Variants in AIG1 observed in about 807,000 individuals in gnomAD.
AIG1 encodes androgen-induced gene 1 protein.
AIG1 carries 23 observed loss-of-function variants against 31.4 expected under a neutral mutation model. The ratio of observed to expected loss-of-function variants is 0.73; its 90% CI spans 0.53 to 1.04. The LOEUF (loss-of-function observed/expected upper bound fraction) is 1.04, where lower values mean the gene tolerates loss of function less well. AIG1 is among the 50% of genes least tolerant of loss of function. The probability of loss-of-function intolerance (pLI) is 0.00; values close to 1 mark genes in which losing one functional copy is unlikely to be tolerated. For missense variants in AIG1, 274 were observed against 295.0 expected, an observed-to-expected ratio of 0.93 and a Z score of 0.52; for synonymous variants, 100 against 110.5, an observed-to-expected ratio of 0.90 and a Z score of 0.60.
rs113190168 is a variant in AIG1, at chr6:143,325,009, A to T, written c.516-8273A>T. 9.8e-5 allele frequency among the ~76,000 whole-genome samples: 15 copies of T among 152,328 alleles called. No homozygotes were observed. The highest frequency in any genetic ancestry group is 3.1e-4 in the African/African-American group (13 of 41,568). On this transcript the variant is annotated intron_variant, in intron 4 of 5. Transcript: ENST00000357847. The surrounding 1 kb of genome is among the most constrained non-coding windows in gnomAD (Gnocchi z 4.3). ...TTTTTCAACTGACTATATATCATTT[A>T]TACCCAGTCAACATCCAAAGTAGAT...
chr6:143,283,788 C>A (rs919822870), intron 3 of AIG1, among the ~76,000 whole-genome samples: 1 of 152,122 alleles, frequency 6.6e-6, no homozygotes, highest in African/African-American at 2.4e-5. Flanking sequence ...GGACGTACAC[C>A]AAAATGTTAA....
At chr6:143,231,594 C>T (rs951915891) in intron 3 of AIG1, among the ~76,000 whole-genome samples, 3 of 152,216 alleles carry the variant, frequency 2.0e-5, no homozygotes, top group Middle Eastern at 3.4e-3. Context: ...GCAATGCAAA[C>T]CAGATTAAAC....
intron 1 of AIG1, among the ~76,000 whole-genome samples, chr6:143,112,638 T>C (rs554073266): frequency 1.3e-5 from 2 of 152,210 alleles, no homozygotes; most frequent in African/African-American, 2.4e-5. Context: ...ACATGGAAGA[T>C]AGAGCACCTG....
rs148044768 is a variant in AIG1 at position 143,150,925 on chromosome 6, A to G, written c.297+13935A>G. Among the ~76,000 whole-genome samples the G allele has an allele frequency of 3.7e-3, 565 of 152,320 alleles. 4 individuals are homozygous for G. The Middle Eastern group carries it at 0.071, about 19-fold the overall frequency. ...GTGTTTTTCAACAACAAAAATATCTATAATTGGTCCACAATTCTAGATGGG... is the reference window on the plus strand; with the variant it reads ...GTGTTTTTCAACAACAAAAATATCTGTAATTGGTCCACAATTCTAGATGGG... On this transcript the variant is annotated intron_variant, in intron 2 of 5. Coordinates refer to ENST00000357847, the MANE Select transcript of AIG1 (RefSeq NM_016108.4).
At chr6:143,182,531 A>G (rs73781105) in intron 3 of AIG1, among the ~76,000 whole-genome samples, 132 of 152,180 alleles carry the variant, frequency 8.7e-4, no homozygotes, top group African/African-American at 3.0e-3. Context: ...CCTTTTTAGT[A>G]ATACCTACCC....
rs950473487 is a variant in AIG1 at position 143,081,812 on chromosome 6, A to G, written c.141+20746A>G. 3.3e-5 allele frequency among the ~76,000 whole-genome samples: 5 copies of G among 152,000 alleles called. No homozygotes were observed. The East Asian group carries it at 5.8e-4, about 18-fold the overall frequency. On this transcript the variant is annotated intron_variant, in intron 1 of 5. Transcript: ENST00000357847. Reference sequence around the variant, plus strand: ...ATGTCCTCGTGAGTTTCCCCATTCCATTTCTTCTGCTGAGTACTGGAGCTT... The same window carrying G: ...ATGTCCTCGTGAGTTTCCCCATTCCGTTTCTTCTGCTGAGTACTGGAGCTT...
intron 1 of AIG1, among the ~76,000 whole-genome samples, chr6:143,074,212 C>G (rs553370866): frequency 6.6e-6 from 1 of 152,142 alleles, no homozygotes; most frequent in African/African-American, 2.4e-5. Flanking sequence ...TCATTGTTTC[C>G]TTTGCTGTGC....
intron 1 of AIG1, among the ~76,000 whole-genome samples, chr6:143,129,027 C>T (rs1298610146): frequency 4.6e-5 from 7 of 152,208 alleles, no homozygotes; most frequent in African/African-American, 1.2e-4. Context: ...CGCGGTGGCT[C>T]ATGCCTGTAA....
At chr6:143,187,982 G>T in intron 3 of AIG1, 1 of 1,168,326 alleles carries the variant, frequency 8.6e-7, no homozygotes, top group Non-Finnish European at 1.1e-6. Context: ...TAACAGGTTG[G>T]AAAAATTAGG....
chr6:143,169,647 A>G (rs950085518), intron 3 of AIG1, among the ~76,000 whole-genome samples: 1 of 151,734 alleles, frequency 6.6e-6, no homozygotes, highest in Non-Finnish European at 1.5e-5. Flanking sequence ...TCTACTCACT[A>G]CTTCTATGAG....
intron 3 of AIG1, among the ~76,000 whole-genome samples, chr6:143,265,864 A>C (rs1338861308): frequency 6.6e-6 from 1 of 152,138 alleles, no homozygotes; most frequent in Non-Finnish European, 1.5e-5. Flanking sequence ...AGCACCTACT[A>C]ACTGAAAACG....
At chr6:143,188,378 C>G in intron 3 of AIG1, 1 of 985,480 alleles carries the variant, frequency 1.0e-6, no homozygotes, top group Non-Finnish European at 1.2e-6. Flanking sequence ...CCTGATTGCA[C>G]TTCTCATGCT....
chr6:143,114,316 A>G (rs1361631870), intron 1 of AIG1, among the ~76,000 whole-genome samples: 2 of 152,200 alleles, frequency 1.3e-5, no homozygotes, highest in Non-Finnish European at 2.9e-5. Context: ...GACTAGTTTA[A>G]AACAATGCTA....
At chr6:143,220,308 T>C (rs952332261) in intron 3 of AIG1, among the ~76,000 whole-genome samples, 1 of 152,198 alleles carries the variant, frequency 6.6e-6, no homozygotes, top group Non-Finnish European at 1.5e-5. Context: ...CAGTTTGTTA[T>C]ATTTATGTTT....
intron 3 of AIG1, among the ~76,000 whole-genome samples, chr6:143,265,798 TTC>T: frequency 6.6e-6 from 1 of 152,202 alleles, no homozygotes; most frequent in South Asian, 2.1e-4. Flanking sequence ...GCCTTCGGTA[TTC>T]ACAGTGTTTC....
intron 4 of AIG1, among the ~76,000 whole-genome samples, chr6:143,317,518 G>T (rs892057238): frequency 3.3e-5 from 5 of 152,092 alleles, no homozygotes; most frequent in African/African-American, 1.2e-4. Context: ...ATGTAATAAA[G>T]CCATCTACGA....
chr6:143,294,753 C>A lies in AIG1; in HGVS notation c.515+10528C>A, dbSNP rs118171627. Reference sequence around the variant, plus strand: ...GCAATTTGATACTAAAACAAACCCCCCCTCTTCCTGATACACTCTGTTCCT... The same window carrying A: ...GCAATTTGATACTAAAACAAACCCCACCTCTTCCTGATACACTCTGTTCCT... On this transcript the variant is annotated intron_variant, in intron 4 of 5. Transcript: ENST00000357847. Among the ~76,000 whole-genome samples the A allele has an allele frequency of 1.9e-3, 295 of 152,208 alleles. 3 individuals carry two copies. The highest frequency in any genetic ancestry group is 4.4e-3 in the South Asian group (21 of 4,814).
At chr6:143,205,562 C>T (rs914017433) in intron 3 of AIG1, among the ~76,000 whole-genome samples, 5 of 152,156 alleles carry the variant, frequency 3.3e-5, no homozygotes, top group Admixed American at 2.6e-4. Context: ...TACCTTTGCT[C>T]AGTCAGTGTT....
intron 3 of AIG1, among the ~76,000 whole-genome samples, chr6:143,240,229 C>T (rs547281113): frequency 1.3e-5 from 2 of 152,266 alleles, no homozygotes; most frequent in East Asian, 3.9e-4. Context: ...GTGAATGCCT[C>T]TAAGGATTGT....
Sources: gnomAD v4.1 joint callset for allele counts (sites outside exome capture counted in the v4.1 genomes callset) on GRCh38, gnomAD v4.1.1 for gene constraint, Gnocchi (gnomAD v3.1) non-coding constraint, MANE v1.5 for transcripts, NCBI Gene and HGNC (gene_info 2026-07-23, HGNC 2026-07-21) for gene names.